Variants in INTS13 observed in about 807,000 individuals in gnomAD.
INTS13 encodes asunder, spermatogenesis regulator homolog (Drosphila).
A neutral mutation model predicts 90.2 loss-of-function variants in INTS13; 35 were observed. That is an observed-to-expected ratio of 0.39 (90% confidence interval 0.30 to 0.51). The LOEUF is 0.51. Among genes scored for constraint, INTS13 ranks in the 20% least tolerant of loss-of-function variants. The pLI is 0.80. For missense variants in INTS13, 601 were observed against 851.2 expected, an observed-to-expected ratio of 0.71 and a Z score of 3.66; for synonymous variants, 309 against 277.1, an observed-to-expected ratio of 1.11 and a Z score of -1.14.
chr12:26,926,080 A>T (rs1337056616), intron 5 of INTS13, among the ~76,000 whole-genome samples: 2 of 151,458 alleles, frequency 1.3e-5, no homozygotes, highest in Non-Finnish European at 2.9e-5. Context: ...AATAATTGTG[A>T]GTGTCTGAAG....
chr12:26,909,493 T>A (rs543851159), intron 15 of INTS13, among the ~76,000 whole-genome samples: 10 of 141,826 alleles, frequency 7.1e-5, no homozygotes, highest in African/African-American at 2.4e-4. Flanking sequence ...TTTTTTTTTT[T>A]AGAGATGGAG....
At position 26,914,101 on chromosome 12, in the gene INTS13, T is replaced by C. The variant is rs1411225590; in HGVS notation, c.1447A>G (p.Lys483Glu). The change falls in exon 13 of 17, where the codon AAA becomes GAA. Residue 483 changes from lysine to glutamate, a missense_variant. Coordinates refer to ENST00000261191, the MANE Select transcript of INTS13 (RefSeq NM_018164.3). ...AVVPLASVIVKESLTEEDVLN... is the reference protein window; with the variant it reads ...AVVPLASVIVEESLTEEDVLN... ...ACATCTTCTTCTGTCAGAGATTCTT[T>C]CACAATAACACTGGCTAATGGAACT... is the stretch of plus-strand genomic sequence containing the variant. 1 of 1,606,554 alleles carries C rather than the reference T, an allele frequency of 6.2e-7. No homozygotes were observed. Among genetic ancestry groups the C allele is most frequent in the Non-Finnish European group, 8.5e-7 (1 of 1,177,984 alleles).
At chr12:26,918,121 C>CAAA (rs1333164571) in intron 8 of INTS13, among the ~76,000 whole-genome samples, 2 of 151,204 alleles carry the variant, frequency 1.3e-5, no homozygotes, top group African/African-American at 4.9e-5. Flanking sequence ...GACTCTGTAT[C>CAAA]AAAAAAATAA....
chr12:26,924,910 A>G (rs1043624660), intron 6 of INTS13, among the ~76,000 whole-genome samples: 2 of 152,212 alleles, frequency 1.3e-5, no homozygotes, highest in African/African-American at 4.8e-5. Context: ...ATGAATGTGG[A>G]AATCGCCACA....
chr12:26,905,667 T>C, intron 16 of INTS13, 131 bp from the exon 17 acceptor site: 2 of 893,932 alleles, frequency 2.2e-6, no homozygotes, highest in Non-Finnish European at 1.7e-6. Context: ...AGGAAAGGAC[T>C]AACATCAGGG....
intron 16 of INTS13, among the ~76,000 whole-genome samples, chr12:26,905,914 C>T (rs567487941): frequency 3.9e-5 from 6 of 151,992 alleles, no homozygotes; most frequent in Non-Finnish European, 8.8e-5. Context: ...AGGATTTCTT[C>T]TAAAAAAATC....
intron 8 of INTS13, among the ~76,000 whole-genome samples, chr12:26,920,084 C>T (rs1952064244): frequency 6.6e-6 from 1 of 150,500 alleles, no homozygotes; most frequent in Admixed American, 6.6e-5. Flanking sequence ...GCCAAGATCG[C>T]GTCACTGCAC....
Position 26,913,958 on chromosome 12 carries a change from AG to A in INTS13, c.1574+15del, listed in dbSNP as rs1951862454. 1 of 1,591,052 alleles carries A rather than the reference AG, an allele frequency of 6.3e-7. No homozygotes were observed. The highest frequency in any genetic ancestry group is 8.5e-7 in the Non-Finnish European group (1 of 1,173,368). On this transcript the variant is annotated intron_variant, in intron 13 of 16. Transcript: ENST00000261191. ...GTAAATGTGATCTATAAAGTAAGAA[AG>A]AAAAAAAAATGTACCTTTTAGGGCC... is the stretch of plus-strand genomic sequence containing the variant.
chr12:26,907,949 G>A (rs768514764), intron 15 of INTS13, among the ~76,000 whole-genome samples: 1 of 152,118 alleles, frequency 6.6e-6, no homozygotes, highest in Non-Finnish European at 1.5e-5. Flanking sequence ...AACTGGACAA[G>A]GATGCAGAAC....
Position 26,928,760 on chromosome 12 carries a change from T to C in INTS13, c.446A>G (p.Glu149Gly), listed in dbSNP as rs754320333. ...YQHEARTLLM[E>G]NAERVGNRGR... ...TCTATTTCCAACACGTTCTGCATTC[T>C]CCATGAGTAGAGTACGAGCCTCATG... is the stretch of plus-strand genomic sequence containing the variant. The change falls in exon 4 of 17, where the codon GAG becomes GGG. Residue 149 changes from glutamate to glycine, a missense_variant. Glu to Gly is a moderately conservative substitution (Grantham distance 98). Coordinates refer to ENST00000261191, the MANE Select transcript of INTS13 (RefSeq NM_018164.3). 1 of 1,614,174 alleles carries C rather than the reference T, an allele frequency of 6.2e-7. No homozygotes were observed. The highest frequency in any genetic ancestry group is 2.2e-5 in the East Asian group (1 of 44,876).
At chr12:26,916,525 A>C (rs1951941447) in intron 10 of INTS13, among the ~76,000 whole-genome samples, 1 of 152,216 alleles carries the variant, frequency 6.6e-6, no homozygotes, top group South Asian at 2.1e-4. Flanking sequence ...CATAATCCTC[A>C]GGTTATTAAT....
Position 26,924,339 on chromosome 12 carries a change from A to G in INTS13, c.804+16T>C. ...AAAGCAGTGCTTTCAAAATAGCAGG[A>G]AAAAGAACTGCCTACCTTCATTGGA... On this transcript the variant is annotated intron_variant, in intron 7 of 16. Coordinates refer to ENST00000261191, the MANE Select transcript of INTS13 (RefSeq NM_018164.3). 1 of 1,607,506 alleles carries G rather than the reference A, an allele frequency of 6.2e-7. No homozygotes were observed. The highest frequency in any genetic ancestry group is 8.5e-7 in the Non-Finnish European group (1 of 1,176,832).
intron 7 of INTS13, among the ~76,000 whole-genome samples, chr12:26,923,539 A>T (rs1247041308): frequency 6.6e-6 from 1 of 152,224 alleles, no homozygotes; most frequent in Non-Finnish European, 1.5e-5. Flanking sequence ...TTGTAAACAT[A>T]ATCAATACAA....
chr12:26,912,837 C>T (rs770708748), intron 14 of INTS13, among the ~76,000 whole-genome samples: 5 of 151,968 alleles, frequency 3.3e-5, no homozygotes, highest in Admixed American at 6.6e-5. Context: ...ACGTGATTCT[C>T]GTGCCTCAGC....
At chr12:26,928,624 C>T in intron 4 of INTS13, 79 bp downstream of exon 4, 1 of 1,397,022 alleles carries the variant, frequency 7.2e-7, no homozygotes, top group Non-Finnish European at 1.0e-6. Flanking sequence ...TGTAAACATG[C>T]TGTCTCTACT....
chr12:26,924,030 T>G (rs1462808596), intron 7 of INTS13, among the ~76,000 whole-genome samples: 1 of 152,226 alleles, frequency 6.6e-6, no homozygotes, highest in African/African-American at 2.4e-5. Flanking sequence ...CCTTTCTGGT[T>G]GCTTTTCAGT....
chr12:26,928,728 T>C lies in INTS13; in HGVS notation c.478A>G (p.Ile160Val), dbSNP rs1277572187. The change falls in exon 4 of 17, where the codon ATA becomes GTA. Residue 160 changes from isoleucine to valine, a missense_variant. Physicochemically the swap from Ile to Val is conservative, Grantham distance 29. Transcript: ENST00000261191. ...CTTTTTGCATTAGTAATACAGATTATTCGTCCTCTATTTCCAACACGTTCT... is the reference window on the plus strand; with the variant it reads ...CTTTTTGCATTAGTAATACAGATTACTCGTCCTCTATTTCCAACACGTTCT... The part of the protein sequence containing the change: ...NAERVGNRGR[I>V]ICITNAKSDS... 3 of 1,614,088 alleles carry C rather than the reference T, an allele frequency of 1.9e-6. No individual in the cohort carries two copies. The highest frequency in any genetic ancestry group is 2.2e-5 in the East Asian group (1 of 44,880).
intron 3 of INTS13, among the ~76,000 whole-genome samples, chr12:26,930,719 T>C (rs1017091692): frequency 2.6e-5 from 4 of 152,204 alleles, no homozygotes; most frequent in African/African-American, 9.6e-5. Flanking sequence ...ATCCATCAAA[T>C]GCACACTTTT....
At chr12:26,917,791 G>A in intron 8 of INTS13, 58 bp from the exon 9 acceptor site, 1 of 806,410 alleles carries the variant, frequency 1.2e-6, no homozygotes. Context: ...ACATCACACT[G>A]TATCCCATAA....
Sources: gnomAD v4.1 joint callset for allele counts (sites outside exome capture counted in the v4.1 genomes callset) on GRCh38, gnomAD v4.1.1 for gene constraint, MANE v1.5 for transcripts, NCBI Gene and HGNC (gene_info 2026-07-23, HGNC 2026-07-21) for gene names.